The following ACTR2 variants were observed in gnomAD, a reference collection of about 807,000 sequenced individuals.
The protein encoded by ACTR2 is actin related protein 2.
ACTR2 carries 5 observed loss-of-function variants against 50.2 expected under a neutral mutation model. The observed-to-expected ratio is 0.10, with a 90% CI of 0.05 to 0.21. The LOEUF (loss-of-function observed/expected upper bound fraction) is 0.21. ACTR2 is among the 10% of genes least tolerant of loss of function. The pLI, the probability that ACTR2 is intolerant of heterozygous loss-of-function variation, is 1.00. For missense variants in ACTR2, 180 were observed against 480.6 expected, an observed-to-expected ratio of 0.37 and a Z score of 5.85; for synonymous variants, 140 against 162.9, an observed-to-expected ratio of 0.86 and a Z score of 1.07.
intron 1 of ACTR2, among the ~76,000 whole-genome samples, chr2:65,230,311 T>C (rs955353418): frequency 1.6e-4 from 25 of 152,112 alleles, no homozygotes; most frequent in African/African-American, 5.8e-4. Flanking sequence ...TTTTAATGAA[T>C]TCTTTTAGGG....
intron 1 of ACTR2, among the ~76,000 whole-genome samples, chr2:65,236,972 A>T (rs1456785456): frequency 6.6e-6 from 1 of 152,158 alleles, no homozygotes; most frequent in Non-Finnish European, 1.5e-5. Context: ...AGAAAAACAG[A>T]CTTTTTCTGA....
intron 4 of ACTR2, 120 bp downstream of exon 4, chr2:65,251,219 A>G (rs1672043170): frequency 2.0e-6 from 1 of 493,680 alleles, no homozygotes; most frequent in Non-Finnish European, 3.6e-6. Flanking sequence ...TTATTTATAT[A>G]CCACACTTTG....
At chr2:65,232,871 C>T (rs939931490) in intron 1 of ACTR2, among the ~76,000 whole-genome samples, 8 of 151,978 alleles carry the variant, frequency 5.3e-5, no homozygotes, top group South Asian at 2.1e-4. Context: ...AATGAAAGAA[C>T]GAAGTCACCA....
intron 8 of ACTR2, 113 bp downstream of exon 8, chr2:65,265,288 C>T (rs1187732676): frequency 3.1e-5 from 37 of 1,204,582 alleles, no homozygotes; most frequent in Non-Finnish European, 2.1e-5. Flanking sequence ...CAAATTCCTA[C>T]TGCAGTCAAG....
At chr2:65,251,575 G>A (rs182053256) in intron 4 of ACTR2, among the ~76,000 whole-genome samples, 192 of 152,162 alleles carry the variant, frequency 1.3e-3, no homozygotes, top group African/African-American at 2.9e-3. Flanking sequence ...TGGTCAGGCT[G>A]GTCTCAAACT....
chr2:65,237,753 C>T (rs1006328584), intron 1 of ACTR2, among the ~76,000 whole-genome samples: 15 of 151,630 alleles, frequency 9.9e-5, no homozygotes, highest in African/African-American at 2.2e-4. Context: ...TTTGGGAGGC[C>T]GAGGCAGGTG....
At chr2:65,251,777 T>TCTACTATA (rs1672056788) in intron 4 of ACTR2, among the ~76,000 whole-genome samples, 1 of 152,208 alleles carries the variant, frequency 6.6e-6, no homozygotes, top group Non-Finnish European at 1.5e-5. Flanking sequence ...ATATAGTAGA[T>TCTACTATA]TAAAAAGGAG....
intron 1 of ACTR2, among the ~76,000 whole-genome samples, chr2:65,229,907 T>C (rs570002642): frequency 8.5e-5 from 13 of 152,312 alleles, no homozygotes; most frequent in African/African-American, 2.9e-4. Flanking sequence ...GTGTGTTCCT[T>C]ATTAAAGATG....
chr2:65,250,117 C>G (rs564671877), intron 3 of ACTR2, among the ~76,000 whole-genome samples: 56 of 152,296 alleles, frequency 3.7e-4, no homozygotes, highest in African/African-American at 1.3e-3. Context: ...GTAATCCCAG[C>G]ACTTTGGGAG....
chr2:65,239,826 A>G (rs1452498658), intron 1 of ACTR2, 26 bp from the exon 2 acceptor site: 6 of 1,343,066 alleles, frequency 4.5e-6, no homozygotes, highest in African/African-American at 4.3e-5. Flanking sequence ...ATGCTAACCC[A>G]CTTTTATTTT....
chr2:65,264,527 A>G (rs1431457299), intron 7 of ACTR2, among the ~76,000 whole-genome samples: 1 of 152,184 alleles, frequency 6.6e-6, no homozygotes, highest in Non-Finnish European at 1.5e-5. Flanking sequence ...CTGTCAGTAG[A>G]TAGCAGGGTA....
At position 65,228,724 on chromosome 2, in the gene ACTR2, C is replaced by T. The variant is rs1671579731; in HGVS notation, c.48+767C>T. Among the ~76,000 whole-genome samples the T allele has an allele frequency of 3.9e-5, 6 of 152,094 alleles. No individual in the cohort carries two copies. The South Asian group carries it at 1.2e-3, about 32-fold the overall frequency. The stretch of plus-strand genomic sequence containing the variant: ...TCCCACCCCCAGCCCCCTTTTTTCC[C>T]TTCGTTTCAGTATACAGGTAATGTT... On this transcript the variant is annotated intron_variant, in intron 1 of 8. Coordinates refer to ENST00000260641, the MANE Select transcript of ACTR2 (RefSeq NM_005722.4).
chr2:65,258,633 C>T (rs2104013908), intron 6 of ACTR2, among the ~76,000 whole-genome samples: 1 of 152,160 alleles, frequency 6.6e-6, no homozygotes, highest in South Asian at 2.1e-4. Context: ...TATATATGCA[C>T]ACACACACAT....
intron 3 of ACTR2, among the ~76,000 whole-genome samples, chr2:65,248,392 T>C (rs912851546): frequency 6.6e-6 from 1 of 151,898 alleles, no homozygotes; most frequent in Non-Finnish European, 1.5e-5. Context: ...AGGGTGAGAC[T>C]CAGTCTCAAA....
chr2:65,242,330 A>G (rs891111468), intron 2 of ACTR2, among the ~76,000 whole-genome samples: 5 of 152,014 alleles, frequency 3.3e-5, no homozygotes. Context: ...TTGTAGATGA[A>G]TGTTATAATT....
chr2:65,239,071 C>G (rs1231630661), intron 1 of ACTR2, among the ~76,000 whole-genome samples: 1 of 152,226 alleles, frequency 6.6e-6, no homozygotes, highest in Non-Finnish European at 1.5e-5. Context: ...AAATGACATT[C>G]TCTAAGCGAT....
chr2:65,265,667 AAC>A (rs1478367779), intron 8 of ACTR2, among the ~76,000 whole-genome samples: 17 of 152,196 alleles, frequency 1.1e-4, no homozygotes, highest in Admixed American at 1.1e-3. Flanking sequence ...TAACTCTTGA[AAC>A]AGACTTTAAT....
chr2:65,242,932 T>C (rs1671868804), intron 2 of ACTR2, among the ~76,000 whole-genome samples: 1 of 152,200 alleles, frequency 6.6e-6, no homozygotes, highest in Non-Finnish European at 1.5e-5. Flanking sequence ...AAAGAGGAAA[T>C]TTATCCTAAA....
At chr2:65,238,883 G>A (rs1275719027) in intron 1 of ACTR2, among the ~76,000 whole-genome samples, 1 of 151,636 alleles carries the variant, frequency 6.6e-6, no homozygotes, top group Non-Finnish European at 1.5e-5. Context: ...CAGGAGAATT[G>A]CTTGGACCTG....
Sources: gnomAD v4.1 joint callset for allele counts (sites outside exome capture counted in the v4.1 genomes callset) on GRCh38, gnomAD v4.1.1 for gene constraint, MANE v1.5 for transcripts, NCBI Gene and HGNC (gene_info 2026-07-23, HGNC 2026-07-21) for gene names.